TTC6: variants seen among roughly 807,000 people sequenced by gnomAD.
TTC6 encodes tetratricopeptide repeat protein 6.
TTC6 carries 172 observed loss-of-function variants against 210.4 expected under a neutral mutation model. The observed-to-expected ratio is 0.82, with a 90% CI of 0.72 to 0.93. TTC6 has a LOEUF of 0.93. TTC6 is among the 40% of genes least tolerant of loss of function. The probability of loss-of-function intolerance (pLI) is 0.00; values close to 1 mark genes in which losing one functional copy is unlikely to be tolerated. For synonymous variants in TTC6, 804 were observed against 819.6 expected, an observed-to-expected ratio of 0.98 and a Z score of 0.32; for missense variants, 2,414 against 2,318.1, an observed-to-expected ratio of 1.04 and a Z score of -0.85.
At chr14:37,748,895 ATTGTAT>A in intron 10 of TTC6, 38 bp from the exon 13 acceptor site, 1 of 1,375,830 alleles carries the variant, frequency 7.3e-7, no homozygotes, top group Non-Finnish European at 9.5e-7. Context: ...TAGAAAGATG[ATTGTAT>A]TTCTGTAATT....
At chr14:37,743,462 C>T (rs2095927175) in intron 10 of TTC6, among the ~76,000 whole-genome samples, 1 of 152,020 alleles carries the variant, frequency 6.6e-6, no homozygotes, top group South Asian at 2.1e-4. Context: ...AATACATGCT[C>T]ATTGTAAAAA....
rs1595338537 is a variant in TTC6 at position 37,836,553 on chromosome 14, C to T, written c.5299-4892C>T. Reference sequence around the variant, plus strand: ...TTAAATTTTTTTTTTAAGTATAACTCTATTCCTTCCAAAGTGTAGACAAAT... The same window carrying T: ...TTAAATTTTTTTTTTAAGTATAACTTTATTCCTTCCAAAGTGTAGACAAAT... On this transcript the variant is annotated intron_variant, in intron 29 of 30. Coordinates refer to ENST00000553443, the Ensembl canonical transcript of TTC6. 2.0e-5 allele frequency among the ~76,000 whole-genome samples: 3 copies of T among 152,176 alleles called. No individual in the cohort carries two copies. The South Asian group carries it at 6.2e-4, about 32-fold the overall frequency.
At chr14:37,633,342 G>A (rs1191590487) in intron 1 of TTC6, among the ~76,000 whole-genome samples, 2 of 152,156 alleles carry the variant, frequency 1.3e-5, no homozygotes, top group African/African-American at 2.4e-5. Flanking sequence ...GTTCTTCATG[G>A]CACAGTCCCT....
chr14:37,769,383 G>A (rs909738741), intron 14 of TTC6, among the ~76,000 whole-genome samples: 1 of 151,818 alleles, frequency 6.6e-6, no homozygotes, highest in African/African-American at 2.4e-5. Flanking sequence ...AATGGTACCA[G>A]TTCCTCCTTG....
intron 14 of TTC6, among the ~76,000 whole-genome samples, chr14:37,781,424 C>CT (rs1346311673): frequency 2.6e-5 from 4 of 151,846 alleles, no homozygotes; most frequent in African/African-American, 7.3e-5. Flanking sequence ...GCATAAATGT[C>CT]TTTTTTTTGA....
chr14:37,617,498 G>T (rs1490513431), upstream of TTC6, among the ~76,000 whole-genome samples: 1 of 151,986 alleles, frequency 6.6e-6, no homozygotes, highest in Non-Finnish European at 1.5e-5. Context: ...CATGTAAGTG[G>T]TTTTTACTAT....
At chr14:37,629,917 T>C (rs923573442) in intron 1 of TTC6, among the ~76,000 whole-genome samples, 2 of 152,228 alleles carry the variant, frequency 1.3e-5, no homozygotes, top group African/African-American at 4.8e-5. Flanking sequence ...GTTTATTGAT[T>C]TGAGTATGTT....
rs1032246209 is a variant in TTC6 at position 37,622,770 on chromosome 14, G to A, written c.706G>A (p.Ala236Thr). The A allele has an allele frequency of 3.9e-6, 6 of 1,534,716 alleles. No homozygotes were observed. In the African/African-American group the frequency reaches 8.2e-5, roughly 21 times the overall value. ...CAGCAACTTCGTGAGCGAGAGCGGG[G>A]CCCGCGAGGCGCGGGAAGCGGCGGG... Residue 236 changes from alanine to threonine, a missense_variant, in exon 1 of 31, where the codon GCC (alanine) becomes ACC (threonine). Transcript: ENST00000553443.
intron 5 of TTC6, among the ~76,000 whole-genome samples, chr14:37,706,936 C>T (rs757548676): frequency 1.3e-5 from 2 of 151,862 alleles, no homozygotes; most frequent in Non-Finnish European, 2.9e-5. Context: ...TAGGTTGGGT[C>T]ACCCCATATT....
chr14:37,761,865 A>C (rs547699699), intron 14 of TTC6, among the ~76,000 whole-genome samples: 2 of 152,160 alleles, frequency 1.3e-5, no homozygotes, highest in African/African-American at 4.8e-5. Context: ...TGATACATGT[A>C]TACAATCTGT....
chr14:37,786,566 G>A (rs137982859), intron 14 of TTC6, among the ~76,000 whole-genome samples: 54 of 152,326 alleles, frequency 3.5e-4, no homozygotes, highest in African/African-American at 1.0e-3. Flanking sequence ...CGGACCCCTT[G>A]CACTTCCCGG....
intron 25 of TTC6, among the ~76,000 whole-genome samples, chr14:37,815,476 G>A (rs1031939356): frequency 6.6e-6 from 1 of 152,166 alleles, no homozygotes; most frequent in African/African-American, 2.4e-5. Flanking sequence ...ACTCCTATGA[G>A]AATCCAGTGC....
chr14:37,668,759 A>G (rs1595082876), intron 1 of TTC6, among the ~76,000 whole-genome samples: 1 of 152,202 alleles, frequency 6.6e-6, no homozygotes, highest in South Asian at 2.1e-4. Flanking sequence ...GGCTGTTAAT[A>G]CAAAATTTAC....
intron 16 of TTC6, 94 bp downstream of exon 18, chr14:37,790,931 A>G (rs1459895304): frequency 2.8e-6 from 3 of 1,079,368 alleles, no homozygotes; most frequent in African/African-American, 3.2e-5. Flanking sequence ...CATCATTGAT[A>G]ACCTAGAAAA....
rs1423003967 is a variant in TTC6 at position 37,680,270 on chromosome 14, T to C, written c.1050+9T>C. Reference sequence around the variant, plus strand: ...CTGAGGAATCGCAAATGGTAAAGTCTTTAATAAAAATCCTCCTTGCCTCTG... The same window carrying C: ...CTGAGGAATCGCAAATGGTAAAGTCCTTAATAAAAATCCTCCTTGCCTCTG... On this transcript the variant is annotated intron_variant, in intron 2 of 30. Transcript: ENST00000553443. The C allele has an allele frequency of 7.4e-6, 11 of 1,487,696 alleles. No individual in the cohort carries two copies. The highest frequency in any genetic ancestry group is 5.0e-5 in the South Asian group (4 of 79,702). 92.2% of individuals were successfully genotyped at this position (1,487,696 alleles called of 1,614,324 possible).
At chr14:37,674,102 A>C (rs997984673) in intron 1 of TTC6, among the ~76,000 whole-genome samples, 5 of 152,012 alleles carry the variant, frequency 3.3e-5, no homozygotes, top group African/African-American at 1.2e-4. Context: ...GATTCAAGTC[A>C]ATTTTTATGT....
chr14:37,622,275 C>T (rs769270153), exon 1 of TTC6: 14 of 1,535,106 alleles, frequency 9.1e-6, no homozygotes, highest in South Asian at 6.0e-5. Flanking sequence ...CGCCGCAGCC[C>T]GGACGTCGAG....
chr14:37,836,570 T>G (rs1411430436), intron 29 of TTC6, among the ~76,000 whole-genome samples: 1 of 152,188 alleles, frequency 6.6e-6, no homozygotes, highest in African/African-American at 2.4e-5. Flanking sequence ...TTCCAAAGTG[T>G]AGACAAATTA....
intron 1 of TTC6, among the ~76,000 whole-genome samples, chr14:37,664,886 C>T (rs1039811769): frequency 5.3e-5 from 8 of 150,706 alleles, no homozygotes; most frequent in Non-Finnish European, 7.5e-5. Context: ...GGCCAGCAAA[C>T]TTATGGAAAA....
Sources: gnomAD v4.1 joint callset for allele counts (sites outside exome capture counted in the v4.1 genomes callset) on GRCh38, gnomAD v4.1.1 for gene constraint, MANE v1.5 for transcripts, NCBI Gene and HGNC (gene_info 2026-07-23, HGNC 2026-07-21) for gene names.